Variants in CNNM4 observed in about 807,000 individuals in gnomAD.
CNNM4 encodes metal transporter CNNM4.
In CNNM4, 32 loss-of-function variants were observed where a neutral mutation model predicts 53.7. The observed-to-expected ratio is 0.60, with a 90% CI of 0.45 to 0.80. The LOEUF is 0.80. Ranked by LOEUF, CNNM4 falls within the 30% of genes least tolerant of loss-of-function variation. The probability of loss-of-function intolerance (pLI) is 0.00; values close to 1 mark genes in which losing one functional copy is unlikely to be tolerated. For synonymous variants in CNNM4, 410 were observed against 440.0 expected (o/e 0.93, Z 0.85); for missense variants, 784 against 1,022.0 (o/e 0.77, Z 3.17).
chr2:96,768,334 C>T (rs896110309), intron 1 of CNNM4, among the ~76,000 whole-genome samples: 1 of 151,976 alleles, frequency 6.6e-6, no homozygotes, highest in African/African-American at 2.4e-5. Flanking sequence ...CTGTGTCAGA[C>T]ACTGTGCAGG....
At chr2:96,802,618 G>A (rs1237147218) in intron 5 of CNNM4, among the ~76,000 whole-genome samples, 5 of 152,214 alleles carry the variant, frequency 3.3e-5, no homozygotes, top group African/African-American at 9.6e-5. Context: ...GGAACAATGC[G>A]TGTACCCCCT....
intron 1 of CNNM4, among the ~76,000 whole-genome samples, chr2:96,787,689 C>G (rs1018864980): frequency 1.3e-5 from 2 of 152,086 alleles, no homozygotes; most frequent in Non-Finnish European, 2.9e-5. Context: ...GAAACCTCAT[C>G]TCTACAAAAT....
Position 96,809,766 on chromosome 2 carries a change from T to G in CNNM4, c.*249T>G, listed in dbSNP as rs2079241593. Reference sequence around the variant, plus strand: ...ACCGTAAGCAAAGGCTGTTTTTTACTGAGAGAATTTCTAAAGTAGGCTCAT... The same window carrying G: ...ACCGTAAGCAAAGGCTGTTTTTTACGGAGAGAATTTCTAAAGTAGGCTCAT... On this transcript the variant is annotated 3_prime_UTR_variant, in exon 7 of 7. Coordinates refer to ENST00000377075, the MANE Select transcript of CNNM4 (RefSeq NM_020184.4). 1 of 425,916 alleles carries G rather than the reference T, an allele frequency of 2.3e-6. No individual in the cohort carries two copies. The highest frequency in any genetic ancestry group is 4.2e-6 in the Non-Finnish European group (1 of 238,746). The allele number at this position is 425,916 out of a possible 1,614,324, so 26.4% of individuals were successfully genotyped here. A position where few individuals can be genotyped will look rare whatever the true frequency, so the allele number is the denominator to read the frequency against.
chr2:96,804,512 C>T (rs533422825), intron 5 of CNNM4, among the ~76,000 whole-genome samples: 2 of 152,166 alleles, frequency 1.3e-5, no homozygotes, highest in South Asian at 4.2e-4. Context: ...AGTGACTTTC[C>T]TGCCTCAGCC....
intron 5 of CNNM4, among the ~76,000 whole-genome samples, chr2:96,803,571 C>T (rs2079176641): frequency 6.6e-6 from 1 of 151,854 alleles, no homozygotes; most frequent in African/African-American, 2.4e-5. Flanking sequence ...ACTAAAAATA[C>T]AAAAATTAGC....
chr2:96,763,296 A>G (rs1001505625), intron 1 of CNNM4, among the ~76,000 whole-genome samples: 5 of 152,180 alleles, frequency 3.3e-5, no homozygotes, highest in Non-Finnish European at 7.3e-5. Context: ...TTTACTCATC[A>G]GCCTCAAAGC....
chr2:96,782,465 A>G lies in CNNM4; in HGVS notation c.1403-14547A>G, dbSNP rs1404785671. Among the ~76,000 whole-genome samples the G allele has an allele frequency of 2.6e-5, 4 of 152,078 alleles. No individual in the cohort carries two copies. In the East Asian group the frequency reaches 5.8e-4, roughly 22 times the overall value. On this transcript the variant is annotated intron_variant, in intron 1 of 6. Transcript: ENST00000377075. ...TTATGCTCATGAGACAGATGAGACT[A>G]TAATTGTTTTCCCGCTGTTAAACTG... is the stretch of plus-strand genomic sequence containing the variant.
At chr2:96,795,314 C>T (rs2153348876) in intron 1 of CNNM4, among the ~76,000 whole-genome samples, 1 of 152,354 alleles carries the variant, frequency 6.6e-6, no homozygotes, top group East Asian at 1.9e-4. Context: ...GAGGGCCTCA[C>T]AGATCTCTTG....
In CNNM4 at chr2:96,762,414, G is replaced by A. The variant is rs746140854; in HGVS notation, c.1402+13G>A. 16 of 1,612,636 alleles carry A rather than the reference G, an allele frequency of 9.9e-6. No homozygotes were observed. The highest frequency in any genetic ancestry group is 1.3e-5 in the Non-Finnish European group (15 of 1,178,656). ...GAGTTCAAGAAGGGTAAGGCCAGAT[G>A]TAGTTCCCCTGGTTCAATTTCCTCT... is the stretch of plus-strand genomic sequence containing the variant. On this transcript the variant is annotated intron_variant, in intron 1 of 6. Transcript: ENST00000377075.
chr2:96,792,377 A>G (rs908402555), intron 1 of CNNM4, among the ~76,000 whole-genome samples: 2 of 152,202 alleles, frequency 1.3e-5, no homozygotes, highest in African/African-American at 4.8e-5. Context: ...TAATTTCCGA[A>G]GTATAGAAAC....
chr2:96,761,609 C>G lies in CNNM4; in HGVS notation c.610C>G (p.Leu204Val). Reference sequence around the variant, plus strand: ...GTCGGGCATATTTTCTGGCCTCAACCTCGGGCTTATGGCCCTGGACCCCAT... The same window carrying G: ...GTCGGGCATATTTTCTGGCCTCAACGTCGGGCTTATGGCCCTGGACCCCAT... ...VLSGIFSGLN[L>V]GLMALDPMEL... is the part of the protein sequence containing the mutation. Residue 204 changes from leucine to valine, a missense_variant, in exon 1 of 7, where the codon CTC (leucine) becomes GTC (valine). Leu to Val is a conservative substitution (Grantham distance 32). Coordinates refer to ENST00000377075, the MANE Select transcript of CNNM4 (RefSeq NM_020184.4). The surrounding 1 kb of genome is among the most constrained non-coding windows in gnomAD (Gnocchi z 6.0). 6.2e-7 allele frequency: 1 copy of G among 1,614,146 alleles called. No individual in the cohort carries two copies. Among genetic ancestry groups the G allele is most frequent in the Non-Finnish European group, 8.5e-7 (1 of 1,180,032 alleles).
intron 1 of CNNM4, among the ~76,000 whole-genome samples, chr2:96,790,506 C>T (rs1484942738): frequency 5.3e-5 from 8 of 151,812 alleles, no homozygotes; most frequent in Admixed American, 4.6e-4. Context: ...AAGCATGTGC[C>T]ACCATGCTTG....
chr2:96,805,418 G>GTTTTTTTTTTTTTTTTTTTTT (rs898761608), intron 5 of CNNM4, among the ~76,000 whole-genome samples: 7 of 76,152 alleles, frequency 9.2e-5, no homozygotes, highest in Admixed American at 1.4e-4. Context: ...CTTCTTTTCA[G>GTTTTTTTTTTTTTTTTTTTTT]TTTTTTTTTT....
chr2:96,762,020 C>T lies in CNNM4; in HGVS notation c.1021C>T (p.Leu341=), dbSNP rs145147485. The T allele has an allele frequency of 1.4e-5, 22 of 1,613,988 alleles. No individual in the cohort carries two copies. In the African/African-American group the frequency reaches 2.3e-4, roughly 17 times the overall value. The change falls in exon 1 of 7, where the codon CTG becomes TTG. Residue 341 remains leucine, a synonymous_variant. Coordinates refer to ENST00000377075, the MANE Select transcript of CNNM4 (RefSeq NM_020184.4). The part of the protein sequence containing the change: ...EIRTVYNREK[L]MEMLKVTEPY... ...TCGCACTGTTTACAACCGGGAGAAG[C>T]TGATGGAGATGTTGAAGGTGACGGA...
At chr2:96,769,500 G>T (rs1294886672) in intron 1 of CNNM4, among the ~76,000 whole-genome samples, 1 of 147,568 alleles carries the variant, frequency 6.8e-6, no homozygotes, top group Non-Finnish European at 1.5e-5. Flanking sequence ...GGAGGCGGAG[G>T]TTGCAGTGAG....
chr2:96,779,835 A>C (rs1386294375), intron 1 of CNNM4, among the ~76,000 whole-genome samples: 1 of 149,096 alleles, frequency 6.7e-6, no homozygotes, highest in Non-Finnish European at 1.5e-5. Flanking sequence ...ACGGAGTCTC[A>C]CTTTGTCTCC....
intron 5 of CNNM4, among the ~76,000 whole-genome samples, chr2:96,804,326 T>C (rs765866693): frequency 4.1e-5 from 6 of 148,044 alleles, no homozygotes; most frequent in Non-Finnish European, 5.9e-5. Flanking sequence ...ACTTCCCGGG[T>C]TCAAGTGATT....
At chr2:96,806,969 G>A (rs1262524550) in intron 5 of CNNM4, among the ~76,000 whole-genome samples, 1 of 152,178 alleles carries the variant, frequency 6.6e-6, no homozygotes, top group Admixed American at 6.5e-5. Flanking sequence ...GAAGTGGGTA[G>A]GACTGTGTTT....
chr2:96,801,212 A>G lies in CNNM4; in HGVS notation c.1948+1564A>G, dbSNP rs1411507584. ...ACTGCAGCTGCATTAACCTCCCCAC[A>G]TGGACCCGGACCCCCGCCTGCTCAA... On this transcript the variant is annotated intron_variant, in intron 5 of 6. Transcript: ENST00000377075. The surrounding 1 kb of genome is among the most constrained non-coding windows in gnomAD (Gnocchi z 5.6). The G allele has an allele frequency of 1.8e-5, 13 of 741,288 alleles. No homozygotes were observed. The highest frequency in any genetic ancestry group is 2.1e-5 in the Non-Finnish European group (13 of 607,128). The allele number at this position is 741,288 out of a possible 1,614,324, so 45.9% of individuals were successfully genotyped here. A position where few individuals can be genotyped will look rare whatever the true frequency, so the allele number is the denominator to read the frequency against.
Sources: gnomAD v4.1 joint callset for allele counts (sites outside exome capture counted in the v4.1 genomes callset) on GRCh38, gnomAD v4.1.1 for gene constraint, Gnocchi (gnomAD v3.1) non-coding constraint, MANE v1.5 for transcripts, NCBI Gene and HGNC (gene_info 2026-07-23, HGNC 2026-07-21) for gene names.